Variants in MAST4 observed in about 807,000 individuals in gnomAD.
MAST4 encodes the protein microtubule-associated serine/threonine-protein kinase 4.
A neutral mutation model predicts 162.7 loss-of-function variants in MAST4; 89 were observed. The observed-to-expected ratio is 0.55, with a 90% CI of 0.46 to 0.65. MAST4 has a LOEUF of 0.65. MAST4 is among the 30% of genes least tolerant of loss of function. The pLI, the probability that MAST4 is intolerant of heterozygous loss-of-function variation, is 0.00. For synonymous variants in MAST4, 1,479 were observed against 1,361.1 expected, an observed-to-expected ratio of 1.09 and a Z score of -1.91; for missense variants, 3,153 against 3,374.0, an observed-to-expected ratio of 0.93 and a Z score of 1.62.
chr5:67,012,171 A>G (rs549477984), intron 4 of MAST4, among the ~76,000 whole-genome samples: 27 of 152,238 alleles, frequency 1.8e-4, no homozygotes, highest in Non-Finnish European at 3.2e-4. Flanking sequence ...AATACCTTTA[A>G]ACAGGAATCG....
At chr5:66,885,014 T>C (rs928590874) in intron 3 of MAST4, among the ~76,000 whole-genome samples, 1 of 152,210 alleles carries the variant, frequency 6.6e-6, no homozygotes, top group Non-Finnish European at 1.5e-5. Context: ...CGACGGAGTG[T>C]TATGCAAGTA....
intron 1 of MAST4, chr5:66,662,565 C>T (rs1000641866): frequency 6.6e-6 from 1 of 152,112 alleles, no homozygotes; most frequent in Non-Finnish European, 1.5e-5. Flanking sequence ...GAACTTTGGG[C>T]AATCCACAAA....
At chr5:66,764,387 G>A (rs191120476) in intron 2 of MAST4, among the ~76,000 whole-genome samples, 16 of 152,280 alleles carry the variant, frequency 1.1e-4, no homozygotes, top group Admixed American at 9.2e-4. Flanking sequence ...TAATGCAAAC[G>A]GCATGGTGAA....
intron 5 of MAST4, among the ~76,000 whole-genome samples, chr5:67,067,985 C>G (rs942662132): frequency 1.1e-4 from 17 of 152,174 alleles, no homozygotes; most frequent in Non-Finnish European, 2.1e-4. Context: ...ACCCAGTGCA[C>G]CTAGTGTCCA....
intron 4 of MAST4, among the ~76,000 whole-genome samples, chr5:66,911,565 C>T (rs1465113971): frequency 2.8e-5 from 2 of 72,052 alleles, no homozygotes; most frequent in Admixed American, 2.3e-4. Flanking sequence ...ACAACCCCCC[C>T]CCCCCCCCCC....
At chr5:67,112,619 A>G (rs576716235) in intron 11 of MAST4, among the ~76,000 whole-genome samples, 13 of 152,296 alleles carry the variant, frequency 8.5e-5, no homozygotes, top group African/African-American at 3.1e-4. Context: ...TATGAAATAC[A>G]CTAAAAACTA....
At chr5:66,678,983 A>C (rs951401473) in intron 1 of MAST4, among the ~76,000 whole-genome samples, 11 of 151,972 alleles carry the variant, frequency 7.2e-5, no homozygotes, top group African/African-American at 1.9e-4. Context: ...ATAGAGACAG[A>C]GTTTTGCCAT....
At chr5:66,978,797 G>T (rs1748444125) in intron 4 of MAST4, among the ~76,000 whole-genome samples, 1 of 152,214 alleles carries the variant, frequency 6.6e-6, no homozygotes, top group Non-Finnish European at 1.5e-5. Context: ...ATTGGAAATA[G>T]ACTATAGTGT....
chr5:66,802,489 C>T (rs554091275), intron 3 of MAST4, among the ~76,000 whole-genome samples: 3 of 152,214 alleles, frequency 2.0e-5, no homozygotes, highest in South Asian at 2.1e-4. Context: ...GCATTTCTAT[C>T]GTTGACTTTA....
chr5:66,719,162 T>C (rs1275333268), intron 1 of MAST4, among the ~76,000 whole-genome samples: 1 of 152,218 alleles, frequency 6.6e-6, no homozygotes, highest in East Asian at 1.9e-4. Context: ...AGTGTGAGGT[T>C]GCATTGATGT....
chr5:66,941,106 T>A (rs1743314736), intron 4 of MAST4, among the ~76,000 whole-genome samples: 1 of 152,174 alleles, frequency 6.6e-6, no homozygotes, highest in Non-Finnish European at 1.5e-5. Context: ...CTAGGCTTTG[T>A]TGCTCTATGT....
At chr5:66,887,166 C>A (rs911337145) in intron 3 of MAST4, among the ~76,000 whole-genome samples, 2 of 152,186 alleles carry the variant, frequency 1.3e-5, no homozygotes, top group African/African-American at 2.4e-5. Flanking sequence ...TGGTTAACTT[C>A]AAAGTCACTA....
At chr5:67,008,618 C>T (rs867052109) in intron 4 of MAST4, among the ~76,000 whole-genome samples, 4 of 152,210 alleles carry the variant, frequency 2.6e-5, no homozygotes, top group Non-Finnish European at 4.4e-5. Flanking sequence ...TAATGATAAT[C>T]TTTCAACCTT....
chr5:67,002,508 C>G (rs1221456589), intron 4 of MAST4, among the ~76,000 whole-genome samples: 1 of 152,174 alleles, frequency 6.6e-6, no homozygotes, highest in East Asian at 1.9e-4. Flanking sequence ...CAATTATACA[C>G]AGTGTGATCA....
chr5:66,921,562 G>C (rs1053202877), intron 4 of MAST4, among the ~76,000 whole-genome samples: 1 of 152,124 alleles, frequency 6.6e-6, no homozygotes, highest in Admixed American at 6.5e-5. Flanking sequence ...TTCGAGACCA[G>C]CCTGGCCAAC....
intron 1 of MAST4, among the ~76,000 whole-genome samples, chr5:66,700,840 G>C (rs1172570386): frequency 2.1e-5 from 3 of 143,368 alleles, no homozygotes; most frequent in Admixed American, 7.0e-5. Context: ...TATACACATC[G>C]GTGTATTAGA....
intron 3 of MAST4, among the ~76,000 whole-genome samples, chr5:66,863,722 AGAATAGAGAATGTGATC>A (rs1760282442): frequency 6.6e-6 from 1 of 152,068 alleles, no homozygotes; most frequent in Non-Finnish European, 1.5e-5. Context: ...AGAAGGAGGG[AGAATAGAGAATGTGATC>A]GAAATCATTG....
Position 67,165,703 on chromosome 5 carries a change from G to C in MAST4, c.6524G>C (p.Ser2175Thr), listed in dbSNP as rs1273446799. 3 of 1,577,918 alleles carry C rather than the reference G, an allele frequency of 1.9e-6. No individual in the cohort carries two copies. Among genetic ancestry groups the C allele is most frequent in the African/African-American group, 2.7e-5 (2 of 73,846 alleles). The change falls in exon 29 of 29, where the codon AGC (serine) becomes ACC (threonine). Residue 2175 changes from serine to threonine, a missense_variant. By Grantham distance (58) the Ser-to-Thr change is moderately conservative (BLOSUM62 1). This residue lies in a region of MAST4 where 1,644 missense variants were observed against 1,495.0 expected (regional missense o/e 1.10). Coordinates refer to ENST00000403625, the MANE Select transcript of MAST4 (RefSeq NM_001164664.2). ...CCCAGCACTGCAGAGCCCAGCTCGA[G>C]CCCCCAGGACCCTCCCAAGCCTGTT... ...AKPSTAEPSS[S>T]PQDPPKPVAA...
intron 3 of MAST4, among the ~76,000 whole-genome samples, chr5:66,893,546 C>T (rs926360702): frequency 3.3e-5 from 5 of 152,056 alleles, no homozygotes; most frequent in African/African-American, 1.2e-4. Context: ...TTTTGCTTAA[C>T]TTGACTAGCA....
Sources: allele counts gnomAD v4.1 joint callset (sites outside exome capture counted in the v4.1 genomes callset), GRCh38; gene constraint gnomAD v4.1.1; regional missense constraint gnomAD v4.1.1; transcripts MANE v1.5; gene names NCBI Gene and HGNC (gene_info 2026-07-23, HGNC 2026-07-21).